Variants in RPL3L observed in about 807,000 individuals in gnomAD.
The protein encoded by RPL3L is ribosomal protein L3 like, also known as ribosomal protein uL3-like.
A neutral mutation model predicts 44.5 loss-of-function variants in RPL3L; 44 were observed. The observed-to-expected ratio is 0.99, with a 90% CI of 0.78 to 1.27. RPL3L has a LOEUF of 1.27. Among genes scored for constraint, RPL3L ranks in the 50% most tolerant of loss-of-function variants. The probability of loss-of-function intolerance (pLI) is 0.00; values close to 1 mark genes in which losing one functional copy is unlikely to be tolerated. For synonymous variants in RPL3L, 292 were observed against 230.7 expected, an observed-to-expected ratio of 1.27 and a Z score of -2.41; for missense variants, 631 against 569.1, an observed-to-expected ratio of 1.11 and a Z score of -1.11.
rs12447058 is a variant in RPL3L at position 1,953,795 on chromosome 16, G to A, written c.196+161C>T. Reference sequence around the variant, plus strand: ...GCTGGGGCCATGACAGAACCCGCCCGGAAGCCCTGCCTGTGCTCAGCGTCC... The same window carrying A: ...GCTGGGGCCATGACAGAACCCGCCCAGAAGCCCTGCCTGTGCTCAGCGTCC... On this transcript the variant is annotated intron_variant, in intron 2 of 9. Transcript: ENST00000268661. Among the ~76,000 whole-genome samples, 1,416 of 152,274 alleles carry A rather than the reference G, an allele frequency of 9.3e-3. 45 individuals are homozygous for A. The highest frequency in any genetic ancestry group is 0.06 in the Admixed American group (918 of 15,292).
At chr16:1,949,703 T>C (rs1345477655) in intron 4 of RPL3L, among the ~76,000 whole-genome samples, 2 of 131,134 alleles carry the variant, frequency 1.5e-5, no homozygotes, top group African/African-American at 2.9e-5. Flanking sequence ...GGCAGGTATG[T>C]ACGGGGCAGG....
Position 1,947,352 on chromosome 16 carries a change from T to G in RPL3L, c.530A>C (p.Lys177Thr). The change falls in exon 5 of 10, where the codon AAG (lysine) becomes ACG (threonine). Residue 177 changes from lysine (K) to threonine (T), a missense_variant. Coordinates refer to ENST00000268661, the MANE Select transcript of RPL3L (RefSeq NM_005061.3). ...QMKLLPFRQK[K>T]AHIMEIQLNG... ...CAGCTGGATCTCCATGATGTGGGCC[T>G]TCTTCTGCCGGAAGGGCAGCAGTTT... 1 of 1,597,332 alleles carries G rather than the reference T, an allele frequency of 6.3e-7. No homozygotes were observed. The highest frequency in any genetic ancestry group is 8.5e-7 in the Non-Finnish European group (1 of 1,172,388).
intron 6 of RPL3L, 89 bp from the exon 7 acceptor site, chr16:1,946,815 A>G (rs2083124591): frequency 3.2e-6 from 5 of 1,575,344 alleles, no homozygotes; most frequent in East Asian, 2.3e-5. Flanking sequence ...GCTCAGACTC[A>G]GTGCTGGTGG....
chr16:1,946,726 T>C lies in RPL3L; in HGVS notation c.850A>G (p.Ile284Val), dbSNP rs1386001220. 2 of 1,612,374 alleles carry C rather than the reference T, an allele frequency of 1.2e-6. No individual in the cohort carries two copies. The highest frequency in any genetic ancestry group is 2.2e-5 in the South Asian group (2 of 91,088). Reference sequence around the variant, plus strand: ...TGCGGGCCCCTGCCGATGCGGAAGATCTGCCAGAAGGGGGCACATGCCAGG... The same window carrying C: ...TGCGGGCCCCTGCCGATGCGGAAGACCTGCCAGAAGGGGGCACATGCCAGG... ...YHHRTELNKK[I>V]FRIGRGPHME... The change falls in exon 7 of 10, where the codon ATC (isoleucine) becomes GTC (valine). Residue 284 changes from isoleucine to valine, a missense_variant and splice_region_variant. Transcript: ENST00000268661.
intron 3 of RPL3L, among the ~76,000 whole-genome samples, 166 bp from the exon 4 acceptor site, chr16:1,951,145 G>C (rs548689869): frequency 1.3e-5 from 2 of 151,972 alleles, no homozygotes; most frequent in African/African-American, 4.8e-5. Context: ...TTTGAACATA[G>C]ACTGTCTCTC....
In RPL3L at chr16:1,944,446, T is replaced by A. The variant is rs2531330; in HGVS notation, c.*391A>T. ...GTGATTTCCTCCCTGACCAATCGGC[T>A]CTCCTGGCTCACTGGCTCTCCCCAC... On this transcript the variant is annotated 3_prime_UTR_variant, in exon 10 of 10. Coordinates refer to ENST00000268661, the MANE Select transcript of RPL3L (RefSeq NM_005061.3). The A allele has an allele frequency of 0.45, 75,641 of 166,930 alleles. 17,730 individuals carry two copies. Among genetic ancestry groups the A allele is most frequent in the South Asian group, 0.6 (4,330 of 7,218 alleles). The allele number at this position is 166,930 out of a possible 1,614,324, so 10.3% of individuals were successfully genotyped here.
Position 1,954,022 on chromosome 16 carries a change from T to A in RPL3L, c.130A>T (p.Thr44Ser). The part of the protein sequence containing the change: ...RDDPSQPVHL[T>S]AFLGYKAGMT... The stretch of plus-strand genomic sequence containing the variant: ...CCCGCCTTGTAGCCCAGGAAGGCCG[T>A]GAGGTGCACGGGCTGGCTGGGGTCA... The change falls in exon 2 of 10, where the codon ACG (threonine) becomes TCG (serine). Residue 44 changes from threonine (T) to serine (S), a missense_variant. Thr to Ser is a moderately conservative substitution (Grantham distance 58). Transcript: ENST00000268661. 6.2e-7 allele frequency: 1 copy of A among 1,604,802 alleles called. No homozygotes were observed.
rs915204570 is a variant in RPL3L, at chr16:1,947,507, C to G, written c.502-127G>C. ...ATTCATTCACAGGTGTTCCCAGGAT[C>G]AGGTTGCAACCCATGTGTTGTGCTA... On this transcript the variant is annotated intron_variant, in intron 4 of 9. Transcript: ENST00000268661. 6.9e-5 allele frequency: 81 copies of G among 1,173,072 alleles called. 1 individual carries two copies. The highest frequency in any genetic ancestry group is 9.2e-5 in the Non-Finnish European group (79 of 859,616). 72.7% of individuals were successfully genotyped at this position (1,173,072 alleles called of 1,614,324 possible).
rs1204024742 is a variant in RPL3L, at chr16:1,953,131, C to T, written c.197-89G>A. ...GAGAGCCGCCCACATAGGGGCAGGA[C>T]AGGAGAGTGTGGGGCCAGCCAGGAC... is the stretch of plus-strand genomic sequence containing the variant. On this transcript the variant is annotated intron_variant, in intron 2 of 9. Coordinates refer to ENST00000268661, the MANE Select transcript of RPL3L (RefSeq NM_005061.3). 5 of 1,412,400 alleles carry T rather than the reference C, an allele frequency of 3.5e-6. No homozygotes were observed. The African/African-American group carries it at 7.2e-5, about 20-fold the overall frequency. 87.5% of individuals were successfully genotyped at this position (1,412,400 alleles called of 1,614,324 possible). A position where few individuals can be genotyped will look rare whatever the true frequency, so the allele number is the denominator to read the frequency against.
intron 2 of RPL3L, 128 bp from the exon 3 acceptor site, chr16:1,953,170 G>A (rs1167130812): frequency 3.2e-6 from 3 of 941,414 alleles, no homozygotes; most frequent in African/African-American, 1.7e-5. Context: ...ATTCCCCAGA[G>A]GGTGGGGCTG....
At chr16:1,946,260 A>G (rs2083120069) in intron 7 of RPL3L, among the ~76,000 whole-genome samples, 1 of 152,230 alleles carries the variant, frequency 6.6e-6, no homozygotes, top group African/African-American at 2.4e-5. Flanking sequence ...CTCCCAGGCC[A>G]CAGTAGGAGC....
chr16:1,950,740 G>A (rs1299240689), intron 4 of RPL3L, 104 bp downstream of exon 4: 31 of 1,578,772 alleles, frequency 2.0e-5, no homozygotes, highest in East Asian at 9.0e-5. Flanking sequence ...GGTCTGTGCC[G>A]AGGCTCGGGT....
chr16:1,947,263 C>G lies in RPL3L; in HGVS notation c.619G>C (p.Val207Leu), dbSNP rs150702541. The G allele has an allele frequency of 1.2e-6, 2 of 1,613,416 alleles. No individual in the cohort carries two copies. The highest frequency in any genetic ancestry group is 1.1e-5 in the South Asian group (1 of 91,080). Residue 207 changes from valine (V) to leucine (L), a missense_variant, in exon 5 of 10, where the codon GTG becomes CTG. Transcript: ENST00000268661. ...AQARLEKQVP[V>L]HSVFSQSEVI... The stretch of plus-strand genomic sequence containing the variant: ...TCACTCTGGCTGAACACGCTGTGCA[C>G]GGGCACCTGCTTCTCCAGCCGGGCC...
intron 4 of RPL3L, among the ~76,000 whole-genome samples, 160 bp from the exon 5 acceptor site, chr16:1,947,540 C>T (rs368557253): frequency 4.6e-5 from 7 of 152,340 alleles, no homozygotes; most frequent in South Asian, 4.1e-4. Flanking sequence ...CTAGGCACTG[C>T]GGATCCGGTG....
Position 1,953,112 on chromosome 16 carries a change from C to T in RPL3L, c.197-70G>A, listed in dbSNP as rs142776611. 5.7e-4 allele frequency: 858 copies of T among 1,502,518 alleles called. 4 individuals are homozygous for T. The African/African-American group carries it at 0.011, about 19-fold the overall frequency. 93.1% of individuals were successfully genotyped at this position (1,502,518 alleles called of 1,614,324 possible). A position where few individuals can be genotyped will look rare whatever the true frequency, so the allele number is the denominator to read the frequency against. On this transcript the variant is annotated intron_variant, in intron 2 of 9. Transcript: ENST00000268661. ...GCCTGTGGGGGAGGGAGTGGAGAGC[C>T]GCCCACATAGGGGCAGGACAGGAGA...
At chr16:1,953,074 G>A in intron 2 of RPL3L, 32 bp from the exon 3 acceptor site, 1 of 1,564,022 alleles carries the variant, frequency 6.4e-7, no homozygotes, top group Non-Finnish European at 8.7e-7. Context: ...GGCATGAAGG[G>A]GGACCTCCTG....
In RPL3L at chr16:1,945,492, A is replaced by G; in HGVS notation, c.1167+7T>C. 2.5e-6 allele frequency: 4 copies of G among 1,608,060 alleles called. No individual in the cohort carries two copies. The highest frequency in any genetic ancestry group is 3.4e-6 in the Non-Finnish European group (4 of 1,177,118). On this transcript the variant is annotated splice_region_variant and intron_variant, in intron 9 of 9. Coordinates refer to ENST00000268661, the MANE Select transcript of RPL3L (RefSeq NM_005061.3). ...GAGAAGAACAAGGATGGGGGCGGTG[A>G]GCTCACCATGAAGGCCCTCTTCTCT...
At position 1,950,769 on chromosome 16, in the gene RPL3L, G is replaced by A. The variant is rs2083166503; in HGVS notation, c.501+75C>T. The A allele has an allele frequency of 6.2e-6, 10 of 1,605,544 alleles. No individual in the cohort carries two copies. The South Asian group carries it at 1.1e-4, about 18-fold the overall frequency. On this transcript the variant is annotated intron_variant, in intron 4 of 9. Coordinates refer to ENST00000268661, the MANE Select transcript of RPL3L (RefSeq NM_005061.3). ...CTCGGGTATTTTTAGGCTGACATTTGCCACAGCTCCTGGAAGCTGGGGTGA... is the reference window on the plus strand; with the variant it reads ...CTCGGGTATTTTTAGGCTGACATTTACCACAGCTCCTGGAAGCTGGGGTGA...
At position 1,950,838 on chromosome 16, in the gene RPL3L, G is replaced by C. The variant is rs750527052; in HGVS notation, c.501+6C>G. ...ACTGACCGACAGCGGAGGGCCGGGG[G>C]CTGACCTGAGTGTGGACAATGACCC... On this transcript the variant is annotated splice_donor_region_variant and intron_variant, in intron 4 of 9. Coordinates refer to ENST00000268661, the MANE Select transcript of RPL3L (RefSeq NM_005061.3). 2 of 1,613,900 alleles carry C rather than the reference G, an allele frequency of 1.2e-6. No homozygotes were observed. Among genetic ancestry groups the C allele is most frequent in the Non-Finnish European group, 1.7e-6 (2 of 1,179,938 alleles).
Sources: gnomAD v4.1 joint callset for allele counts (sites outside exome capture counted in the v4.1 genomes callset) on GRCh38, gnomAD v4.1.1 for gene constraint, MANE v1.5 for transcripts, NCBI Gene and HGNC (gene_info 2026-07-23, HGNC 2026-07-21) for gene names.